Variants in EXOC3L4 observed in about 807,000 individuals in gnomAD.
EXOC3L4 encodes exocyst complex component 3 like 4, also known as exocyst complex component 3-like protein 4.
EXOC3L4 carries 62 observed loss-of-function variants against 69.7 expected under a neutral mutation model. The ratio of observed to expected loss-of-function variants is 0.89; its 90% confidence interval spans 0.72 to 1.10. The LOEUF is 1.10. Among genes scored for constraint, EXOC3L4 ranks in the 50% least tolerant of loss-of-function variants. EXOC3L4 has a pLI of 0.00. For synonymous variants in EXOC3L4, 502 were observed against 464.2 expected, an observed-to-expected ratio of 1.08 and a Z score of -1.05; for missense variants, 1,087 against 1,034.8, an observed-to-expected ratio of 1.05 and a Z score of -0.69.
At position 103,110,279 on chromosome 14, in the gene EXOC3L4, G is replaced by C. The variant is rs562167575; in HGVS notation, c.*56G>C. Reference sequence around the variant, plus strand: ...TGGCAGGGAGCTGTGGTCAGTGGGGGTCAGCCAGGAGCCCAGGGAGTCACT... The same window carrying C: ...TGGCAGGGAGCTGTGGTCAGTGGGGCTCAGCCAGGAGCCCAGGGAGTCACT... On this transcript the variant is annotated 3_prime_UTR_variant, in exon 12 of 12. Transcript: ENST00000688303. 2.6e-5 allele frequency: 39 copies of C among 1,495,972 alleles called. No individual in the cohort carries two copies. In the African/African-American group the frequency reaches 5.3e-4, roughly 20 times the overall value. 92.7% of individuals were successfully genotyped at this position (1,495,972 alleles called of 1,614,324 possible).
chr14:103,102,554 G>A lies in EXOC3L4; in HGVS notation c.831G>A (p.Gln277=), dbSNP rs752630387. ...CGGAGGGCGCGTCGGGTTTGGCCCA[G>A]CTTCTGGCCGAGCTGGGTGGCTTGG... ...GEAEGASGLA[Q]LLAELGGLVR... The change falls in exon 3 of 12, where the codon CAG becomes CAA. Residue 277 remains glutamine (Q), a synonymous_variant. Transcript: ENST00000688303. 1.4e-6 allele frequency: 2 copies of A among 1,436,250 alleles called. No homozygotes were observed. Among genetic ancestry groups the A allele is most frequent in the South Asian group, 1.4e-5 (1 of 70,346 alleles). The allele number at this position is 1,436,250 out of a possible 1,614,324, so 89.0% of individuals were successfully genotyped here. A position where few individuals can be genotyped will look rare whatever the true frequency, so the allele number is the denominator to read the frequency against.
intron 8 of EXOC3L4, among the ~76,000 whole-genome samples, 171 bp downstream of exon 8, chr14:103,107,070 G>T (rs1890598735): frequency 6.6e-6 from 1 of 152,148 alleles, no homozygotes; most frequent in East Asian, 1.9e-4. Context: ...GAGCAGGGGC[G>T]GCTGGGAGAC....
At chr14:103,108,101 C>A (rs1288298316) in intron 10 of EXOC3L4, among the ~76,000 whole-genome samples, 1 of 152,202 alleles carries the variant, frequency 6.6e-6, no homozygotes, top group Non-Finnish European at 1.5e-5. Flanking sequence ...ACCAGCGCCC[C>A]TGCACACCCC....
At chr14:103,094,550 G>A (rs1353238755), upstream of EXOC3L4, among the ~76,000 whole-genome samples, 1 of 151,872 alleles carries the variant, frequency 6.6e-6, no homozygotes, top group Admixed American at 6.5e-5. Flanking sequence ...TCTGACCCTT[G>A]GACTGAGCCC....
rs1337359588 is a variant in EXOC3L4, at chr14:103,102,768, G to A, written c.1045G>A (p.Gly349Ser). 4 of 1,349,386 alleles carry A rather than the reference G, an allele frequency of 3.0e-6. No individual in the cohort carries two copies. The highest frequency in any genetic ancestry group is 3.8e-6 in the Non-Finnish European group (4 of 1,052,634). The allele number at this position is 1,349,386 out of a possible 1,614,324, so 83.6% of individuals were successfully genotyped here. The change falls in exon 3 of 12, where the codon GGC becomes AGC. Residue 349 changes from glycine (G) to serine (S), a missense_variant. Coordinates refer to ENST00000688303, the MANE Select transcript of EXOC3L4 (RefSeq NM_001077594.2). ...ILLDWAANVY[G>S]SPDFLGAPGL... Reference sequence around the variant, plus strand: ...GCTGGACTGGGCCGCCAACGTCTACGGCAGGTGAGTCTCGGCCAGGGCGCC... The same window carrying A: ...GCTGGACTGGGCCGCCAACGTCTACAGCAGGTGAGTCTCGGCCAGGGCGCC...
At chr14:103,103,379 AG>A (rs1459632391) in intron 3 of EXOC3L4, among the ~76,000 whole-genome samples, 1 of 150,956 alleles carries the variant, frequency 6.6e-6, no homozygotes, top group African/African-American at 2.4e-5. Flanking sequence ...AAAGAAAGAA[AG>A]AAAGAAAAGA....
intron 8 of EXOC3L4, 88 bp downstream of exon 8, chr14:103,106,987 T>G: frequency 9.0e-7 from 1 of 1,109,426 alleles, no homozygotes; most frequent in Non-Finnish European, 1.3e-6. Flanking sequence ...GTCACAGCAT[T>G]CATTTATTCC....
At chr14:103,104,661 C>T (rs1236302690) in intron 5 of EXOC3L4, 77 bp from the exon 6 acceptor site, 1 of 1,265,452 alleles carries the variant, frequency 7.9e-7, no homozygotes, top group Non-Finnish European at 1.0e-6. Context: ...GCTGGAGGCG[C>T]AGCGGGGGCT....
In EXOC3L4 at chr14:103,106,945, C is replaced by T. The variant is rs377588104; in HGVS notation, c.1581+46C>T. The T allele has an allele frequency of 6.2e-5, 89 of 1,435,020 alleles. No individual in the cohort carries two copies. The African/African-American group carries it at 1.1e-3, about 18-fold the overall frequency. 88.9% of individuals were successfully genotyped at this position (1,435,020 alleles called of 1,614,324 possible). On this transcript the variant is annotated intron_variant, in intron 8 of 11. Transcript: ENST00000688303. ...CTCCCTACTTCCCATGCCCAGCAGG[C>T]ACCCCCTATTTCCTAGAGCCTGGGG...
chr14:103,107,906 A>G, intron 10 of EXOC3L4, 123 bp downstream of exon 10: 1 of 1,370,692 alleles, frequency 7.3e-7, no homozygotes, highest in Non-Finnish European at 9.7e-7. Flanking sequence ...GATCAGGTGG[A>G]ACAGGGACTG....
rs551304536 is a variant in EXOC3L4, at chr14:103,097,286, C to T, written c.-17+2446C>T. ...AGCCTGACCTGGGGAGAGTGGGACC[C>T]GGGGCTCAGGCCGGGCGTCAGTCTC... On this transcript the variant is annotated intron_variant, in intron 1 of 11. Coordinates refer to ENST00000688303, the MANE Select transcript of EXOC3L4 (RefSeq NM_001077594.2). This position sits in a 1 kb window ranked among gnomAD's most constrained non-coding sequence, Gnocchi z 4.9. Among the ~76,000 whole-genome samples the T allele has an allele frequency of 1.2e-4, 18 of 152,200 alleles. No homozygotes were observed. The South Asian group carries it at 3.3e-3, about 28-fold the overall frequency.
In EXOC3L4 at chr14:103,107,687, G is replaced by A. The variant is rs1220655540; in HGVS notation, c.1758G>A (p.Leu586=). ...TCCGCGAGTACCTGGCGCGGGCGCT[G>A]AGGCCACGGGAGCGGTTCCGGGGCA... ...FVVREYLARA[L]RPRERFRGME... is the part of the protein sequence containing the mutation. Residue 586 remains leucine, a synonymous_variant, in exon 10 of 12, where the codon CTG becomes CTA. Coordinates refer to ENST00000688303, the MANE Select transcript of EXOC3L4 (RefSeq NM_001077594.2). 1 of 1,556,890 alleles carries A rather than the reference G, an allele frequency of 6.4e-7. No individual in the cohort carries two copies. Among genetic ancestry groups the A allele is most frequent in the Admixed American group, 1.9e-5 (1 of 51,444 alleles).
chr14:103,101,153 C>A (rs1012019934), intron 2 of EXOC3L4, among the ~76,000 whole-genome samples: 6 of 152,098 alleles, frequency 3.9e-5, no homozygotes, highest in African/African-American at 1.4e-4. Flanking sequence ...CGATCCGCCC[C>A]CTCAGCCTCC....
In EXOC3L4 at chr14:103,110,149, G is replaced by A. The variant is rs145445413; in HGVS notation, c.2095G>A (p.Ala699Thr). Residue 699 changes from alanine (A) to threonine (T), a missense_variant, in exon 12 of 12, where the codon GCC becomes ACC. Ala to Thr is a moderately conservative substitution (Grantham distance 58). Transcript: ENST00000688303. ...RAAAGAAGAE[A>T]PRGRVLFEEI... The stretch of plus-strand genomic sequence containing the variant: ...TGCGGCCGGGGCGGCGGGTGCGGAG[G>A]CCCCTCGGGGCCGCGTGCTCTTCGA... 143 of 1,544,934 alleles carry A rather than the reference G, an allele frequency of 9.3e-5. No individual in the cohort carries two copies. In the South Asian group the frequency reaches 1.3e-3, roughly 14 times the overall value.
chr14:103,104,961 G>A, intron 6 of EXOC3L4, 31 bp from the exon 7 acceptor site: 1 of 1,599,526 alleles, frequency 6.3e-7, no homozygotes, highest in Non-Finnish European at 8.6e-7. Flanking sequence ...GCTAGGGAGG[G>A]TCCCCAAAGG....
At chr14:103,099,625 G>A (rs564516667) in intron 1 of EXOC3L4, among the ~76,000 whole-genome samples, 16 of 152,270 alleles carry the variant, frequency 1.1e-4, no homozygotes, top group Middle Eastern at 3.4e-3. Context: ...CCTCCTCGGC[G>A]GGCTCTGTGA....
At position 103,100,595 on chromosome 14, in the gene EXOC3L4, G is replaced by A. The variant is rs1436860551; in HGVS notation, c.376G>A (p.Glu126Lys). The A allele has an allele frequency of 6.2e-7, 1 of 1,604,324 alleles. No homozygotes were observed. The highest frequency in any genetic ancestry group is 1.7e-5 in the Admixed American group (1 of 59,526). Residue 126 changes from glutamate (E) to lysine (K), a missense_variant, in exon 2 of 12, where the codon GAA becomes AAA. Transcript: ENST00000688303. ...QQASTGAASE[E>K]LKPEAEGKSV... The stretch of plus-strand genomic sequence containing the variant: ...GGCATCCACTGGGGCAGCGTCTGAG[G>A]AACTGAAACCCGAGGCAGGTAAGGG...
intron 7 of EXOC3L4, among the ~76,000 whole-genome samples, chr14:103,106,174 T>C (rs558815443): frequency 4.1e-4 from 63 of 152,352 alleles, no homozygotes; most frequent in African/African-American, 1.5e-3. Context: ...CGTGGCCACG[T>C]AGCCAGGAAG....
chr14:103,096,556 T>C (rs1889896609), intron 1 of EXOC3L4, among the ~76,000 whole-genome samples: 1 of 152,212 alleles, frequency 6.6e-6, no homozygotes, highest in Non-Finnish European at 1.5e-5. Context: ...GATAGATGAT[T>C]GGCTATTTGT....
Sources: allele counts gnomAD v4.1 joint callset (sites outside exome capture counted in the v4.1 genomes callset), GRCh38; gene constraint gnomAD v4.1.1; non-coding constraint Gnocchi (gnomAD v3.1); transcripts MANE v1.5; gene names NCBI Gene and HGNC (gene_info 2026-07-23, HGNC 2026-07-21).